Variants in ZCCHC2 observed in about 807,000 individuals in gnomAD.
ZCCHC2 encodes zinc finger CCHC-type containing 2, also known as zinc finger CCHC domain-containing protein 2.
In ZCCHC2, 39 loss-of-function variants were observed where a neutral mutation model predicts 103.6. The observed-to-expected ratio is 0.38, with a 90% CI of 0.29 to 0.49. ZCCHC2 has a LOEUF of 0.49. Ranked by LOEUF, ZCCHC2 falls within the 20% of genes least tolerant of loss-of-function variation. ZCCHC2 has a pLI of 0.96. For missense variants in ZCCHC2, 1,483 were observed against 1,491.0 expected, an observed-to-expected ratio of 0.99 and a Z score of 0.09; for synonymous variants, 687 against 608.9, an observed-to-expected ratio of 1.13 and a Z score of -1.89.
intron 11 of ZCCHC2, among the ~76,000 whole-genome samples, chr18:62,568,236 T>A (rs1598962004): frequency 6.6e-6 from 1 of 152,318 alleles, no homozygotes; most frequent in Non-Finnish European, 1.5e-5. Flanking sequence ...GGTTTATGTT[T>A]TACTTTTTGT....
intron 2 of ZCCHC2, among the ~76,000 whole-genome samples, chr18:62,541,138 A>G (rs1915155383): frequency 6.6e-6 from 1 of 152,142 alleles, no homozygotes; most frequent in South Asian, 2.1e-4. Flanking sequence ...GAAACAGCAT[A>G]CCCTCCCATC....
At chr18:62,566,322 A>G (rs952308522) in intron 11 of ZCCHC2, among the ~76,000 whole-genome samples, 1 of 152,220 alleles carries the variant, frequency 6.6e-6, no homozygotes, top group Non-Finnish European at 1.5e-5. Context: ...GTGGGAGTAA[A>G]ATAACATGGA....
At chr18:62,539,935 G>A (rs1226914044) in intron 2 of ZCCHC2, 143 bp downstream of exon 2, 6 of 668,416 alleles carry the variant, frequency 9.0e-6, no homozygotes, top group South Asian at 1.9e-5. Flanking sequence ...TCAAGAGCCA[G>A]TCCTCCTAGT....
chr18:62,524,045 G>A lies in ZCCHC2; in HGVS notation c.621G>A (p.Ala207=), dbSNP rs1458583126. 8.2e-6 allele frequency: 12 copies of A among 1,464,606 alleles called. No individual in the cohort carries two copies. Among genetic ancestry groups the A allele is most frequent in the Non-Finnish European group, 1.1e-5 (12 of 1,120,598 alleles). 90.7% of individuals were successfully genotyped at this position (1,464,606 alleles called of 1,614,324 possible). ...QVDSVLKSLR[A]ARGEGSRGGA... is the part of the protein sequence containing the mutation. Reference sequence around the variant, plus strand: ...ACTCGGTGCTCAAAAGCCTGCGCGCGGCCCGGGGCGAGGGCTCGCGGGGCG... The same window carrying A: ...ACTCGGTGCTCAAAAGCCTGCGCGCAGCCCGGGGCGAGGGCTCGCGGGGCG... Residue 207 remains alanine (A), a synonymous_variant, in exon 1 of 14, where the codon GCG becomes GCA. Transcript: ENST00000269499.
intron 1 of ZCCHC2, among the ~76,000 whole-genome samples, chr18:62,533,591 G>T (rs1490041326): frequency 6.6e-6 from 1 of 151,674 alleles, no homozygotes; most frequent in Non-Finnish European, 1.5e-5. Flanking sequence ...TCGAGGCTGG[G>T]CACAGTGGCT....
chr18:62,556,260 C>A lies in ZCCHC2; in HGVS notation c.1371C>A (p.Phe457Leu). The A allele has an allele frequency of 1.2e-6, 2 of 1,607,280 alleles. No individual in the cohort carries two copies. Among genetic ancestry groups the A allele is most frequent in the Non-Finnish European group, 1.7e-6 (2 of 1,176,600 alleles). ...TACAAAGTCAGAAAGTACACAGCTT[C>A]TTTCAGTCCATATCATCAGACTCCC... ...AFLQSQKVHS[F>L]FQSISSDSLH... The change falls in exon 6 of 14, where the codon TTC (phenylalanine) becomes TTA (leucine). Residue 457 changes from phenylalanine (F) to leucine (L), a missense_variant. Around this residue, in one of 3 missense-constraint regions of ZCCHC2, gnomAD observed 884 missense variants for 907.5 expected, o/e 0.97. Coordinates refer to ENST00000269499, the MANE Select transcript of ZCCHC2 (RefSeq NM_017742.6).
rs1349648194 is a variant in ZCCHC2, at chr18:62,563,025, T to A, written c.1567T>A (p.Cys523Ser). 2 of 1,612,098 alleles carry A rather than the reference T, an allele frequency of 1.2e-6. No homozygotes were observed. Among genetic ancestry groups the A allele is most frequent in the Admixed American group, 3.3e-5 (2 of 59,958 alleles). ...CTTTGGTAGCAATATTGGTACAAGT[T>A]GTTCTCCATTGGATGGGCTTACCAT... ...SPIVNNIGTS[C>S]SPLDGLTMQY... Residue 523 changes from cysteine to serine, a missense_variant, in exon 9 of 14, where the codon TGT becomes AGT. Physicochemically the swap from Cys to Ser is moderately radical, Grantham distance 112 (BLOSUM62 -1). Coordinates refer to ENST00000269499, the MANE Select transcript of ZCCHC2 (RefSeq NM_017742.6).
rs1448123207 is a variant in ZCCHC2, at chr18:62,540,211, G to GTT, written c.1051+423_1051+424dup. On this transcript the variant is annotated intron_variant, in intron 2 of 13. Transcript: ENST00000269499. ...AATCCATTCTTCCTGCAATAATGCA[G>GTT]TTTTTAAGAGGGCTGGAATGAATGG... Among the ~76,000 whole-genome samples the GTT allele has an allele frequency of 8.5e-5, 13 of 152,300 alleles. No homozygotes were observed. The South Asian group carries it at 2.7e-3, about 32-fold the overall frequency.
At chr18:62,557,132 T>C (rs1016419040) in intron 6 of ZCCHC2, among the ~76,000 whole-genome samples, 1 of 152,222 alleles carries the variant, frequency 6.6e-6, no homozygotes, top group African/African-American at 2.4e-5. Context: ...CCAGTTTTTC[T>C]TATGTTCCGT....
At chr18:62,571,218 A>C (rs1035615231) in intron 12 of ZCCHC2, among the ~76,000 whole-genome samples, 2 of 151,968 alleles carry the variant, frequency 1.3e-5, no homozygotes, top group African/African-American at 4.8e-5. Context: ...CAGACAGTCA[A>C]ATGGTGACAG....
chr18:62,584,305 C>T (rs113887471), intron 14 of ZCCHC2: 5 of 152,152 alleles, frequency 3.3e-5, no homozygotes, highest in African/African-American at 1.2e-4. Flanking sequence ...CAGTCACCTC[C>T]GCCTGCAGAG....
chr18:62,523,305 T>TC lies in ZCCHC2; in HGVS notation c.-115dup, dbSNP rs975483191. The TC allele has an allele frequency of 8.3e-6, 4 of 482,240 alleles. No homozygotes were observed. The highest frequency in any genetic ancestry group is 1.0e-5 in the Non-Finnish European group (4 of 401,984). The allele number at this position is 482,240 out of a possible 1,614,324, so 29.9% of individuals were successfully genotyped here. A position where few individuals can be genotyped will look rare whatever the true frequency, so the allele number is the denominator to read the frequency against. On this transcript the variant is annotated 5_prime_UTR_variant, in exon 1 of 14. Coordinates refer to ENST00000269499, the MANE Select transcript of ZCCHC2 (RefSeq NM_017742.6). The stretch of plus-strand genomic sequence containing the variant: ...CGAGACCCGCCCCCGGCCCCGGCCC[T>TC]CCCCCGGCGGCATGGAGGGGCCCCG...
At chr18:62,531,288 C>G (rs1421106480) in intron 1 of ZCCHC2, among the ~76,000 whole-genome samples, 1 of 152,176 alleles carries the variant, frequency 6.6e-6, no homozygotes, top group Non-Finnish European at 1.5e-5. Flanking sequence ...GTTTATGTTA[C>G]AGGTGTAGCC....
At chr18:62,575,862 A>C (rs145758989) in intron 13 of ZCCHC2, among the ~76,000 whole-genome samples, 333 of 151,624 alleles carry the variant, frequency 2.2e-3, no homozygotes, top group African/African-American at 7.8e-3. Context: ...TTTTTTTTTT[A>C]AGCTACAATC....
At chr18:62,540,894 A>G (rs1393502386) in intron 2 of ZCCHC2, among the ~76,000 whole-genome samples, 1 of 152,146 alleles carries the variant, frequency 6.6e-6, no homozygotes, top group Non-Finnish European at 1.5e-5. Flanking sequence ...CTGGTAGCCA[A>G]CACCAGACAG....
intron 12 of ZCCHC2, 60 bp downstream of exon 12, chr18:62,570,291 T>C: frequency 1.9e-6 from 3 of 1,561,404 alleles, no homozygotes; most frequent in Non-Finnish European, 2.6e-6. Flanking sequence ...TGGAGGGAAA[T>C]GTGTGTTGTT....
At position 62,556,071 on chromosome 18, in the gene ZCCHC2, C is replaced by A. The variant is rs1006192358; in HGVS notation, c.1314-132C>A. ...AGGAAATACATTAGAAAATAATATT[C>A]TTTTCTATAGGAAAAATATTTTTCC... On this transcript the variant is annotated intron_variant, in intron 5 of 13. Transcript: ENST00000269499. 17 of 657,636 alleles carry A rather than the reference C, an allele frequency of 2.6e-5. 1 individual carries two copies. Among genetic ancestry groups the A allele is most frequent in the South Asian group, 1.4e-4 (6 of 43,480 alleles). 40.7% of individuals were successfully genotyped at this position (657,636 alleles called of 1,614,324 possible).
chr18:62,541,503 G>C (rs567531235), intron 2 of ZCCHC2, among the ~76,000 whole-genome samples: 2 of 152,034 alleles, frequency 1.3e-5, no homozygotes, highest in South Asian at 2.1e-4. Context: ...AAGGCAAAAT[G>C]AATGAATGCC....
At chr18:62,557,384 C>T (rs1338091775) in intron 6 of ZCCHC2, among the ~76,000 whole-genome samples, 1 of 152,146 alleles carries the variant, frequency 6.6e-6, no homozygotes, top group Non-Finnish European at 1.5e-5. Context: ...AAGAAAAACA[C>T]ATATTTCCTC....
Sources: gnomAD v4.1 joint callset for allele counts (sites outside exome capture counted in the v4.1 genomes callset) on GRCh38, gnomAD v4.1.1 for gene constraint, gnomAD v4.1.1 regional missense constraint, MANE v1.5 for transcripts, NCBI Gene and HGNC (gene_info 2026-07-23, HGNC 2026-07-21) for gene names.